Variants in CREBBP observed in about 807,000 individuals in gnomAD.
CREBBP encodes the protein CREB binding lysine acetyltransferase.
In CREBBP, 19 loss-of-function variants were observed where a neutral mutation model predicts 265.0. The observed-to-expected ratio is 0.07, with a 90% CI of 0.05 to 0.11. CREBBP has a LOEUF of 0.11. CREBBP is among the 10% of genes least tolerant of loss of function. CREBBP has a pLI of 1.00. For missense variants in CREBBP, 2,525 were observed against 3,219.0 expected (o/e 0.78, Z 5.22); for synonymous variants, 1,457 against 1,223.7 (o/e 1.19, Z -3.98).
chr16:3,851,050 C>T, intron 1 of CREBBP, 41 bp from the exon 2 acceptor site: 1 of 1,545,566 alleles, frequency 6.5e-7, no homozygotes, highest in South Asian at 1.1e-5. Flanking sequence ...ACTAAGCAAC[C>T]TTTACAGCTC....
intron 1 of CREBBP, among the ~76,000 whole-genome samples, chr16:3,874,368 C>A (rs2055358041): frequency 6.6e-6 from 1 of 152,194 alleles, no homozygotes; most frequent in African/African-American, 2.4e-5. Context: ...GTCTGTGCAG[C>A]CGTGGTAGGC....
Position 3,850,665 on chromosome 16 carries a change from T to A in CREBBP, c.430A>T (p.Thr144Ser), listed in dbSNP as rs1479590501. Residue 144 changes from threonine to serine, a missense_variant, in exon 2 of 31, where the codon ACC (threonine) becomes TCC (serine). Physicochemically the swap from Thr to Ser is moderately conservative, Grantham distance 58. Transcript: ENST00000262367. ...PKQAASTSGP[T>S]PAASQALNPQ... ...TTCAGTGCTTGGGAGGCAGCGGGGGTGGGCCCAGAGGTGCTGGCTGCCTGT... is the reference window on the plus strand; with the variant it reads ...TTCAGTGCTTGGGAGGCAGCGGGGGAGGGCCCAGAGGTGCTGGCTGCCTGT... 1 of 1,614,032 alleles carries A rather than the reference T, an allele frequency of 6.2e-7. No individual in the cohort carries two copies. Among genetic ancestry groups the A allele is most frequent in the East Asian group, 2.2e-5 (1 of 44,864 alleles).
chr16:3,749,856 T>C (rs129981), intron 20 of CREBBP, among the ~76,000 whole-genome samples, 173 bp from the exon 21 acceptor site: 3,024 of 152,322 alleles, frequency 0.02, 161 homozygotes, highest in Admixed American at 0.11. Context: ...TTTAATTTCG[T>C]AGAACACTAC....
In CREBBP at chr16:3,780,830, G is replaced by A. The variant is rs770666980; in HGVS notation, c.1725C>T (p.Ser575=). 1.9e-6 allele frequency: 3 copies of A among 1,613,774 alleles called. No homozygotes were observed. Among genetic ancestry groups the A allele is most frequent in the African/African-American group, 2.7e-5 (2 of 74,916 alleles). Residue 575 remains serine, a synonymous_variant, in exon 8 of 31, where the codon AGC becomes AGT. Transcript: ENST00000262367. The part of the protein sequence containing the change: ...GSNSGNIGTL[S]TIPTAAPPSS... ...AAGGAGGAGCTGCTGTTGGTATAGT[G>A]CTGAGGGTTCCAATGTTACCAGAGT...
intron 3 of CREBBP, among the ~76,000 whole-genome samples, chr16:3,800,097 A>G (rs565061371): frequency 1.2e-4 from 18 of 152,230 alleles, no homozygotes; most frequent in Non-Finnish European, 2.2e-4. Context: ...AACATAAAGC[A>G]GTGTTCCTCA....
intron 19 of CREBBP, among the ~76,000 whole-genome samples, chr16:3,755,022 T>C (rs2052556654): frequency 6.6e-6 from 1 of 152,242 alleles, no homozygotes; most frequent in South Asian, 2.1e-4. Context: ...ATGCCTGTGA[T>C]CGTCTGAGGA....
chr16:3,791,762 C>T (rs2053512970), intron 5 of CREBBP, among the ~76,000 whole-genome samples: 2 of 152,166 alleles, frequency 1.3e-5, no homozygotes, highest in Admixed American at 1.3e-4. Flanking sequence ...GAGGGAGAGG[C>T]AGTGAGTGAG....
At position 3,879,860 on chromosome 16, in the gene CREBBP, C is replaced by G. The variant is rs142859543; in HGVS notation, c.57G>C (p.Ser19=). The G allele has an allele frequency of 1.2e-6, 2 of 1,612,056 alleles. No individual in the cohort carries two copies. ...PPNPKRAKLS[S]PGFSANDSTD... is the part of the protein sequence containing the mutation. ...TGCTGTCATTCGCCGAGAAACCGGGCGAGCTGAGTTTGGCTCTTTTGGGGT... is the reference window on the plus strand; with the variant it reads ...TGCTGTCATTCGCCGAGAAACCGGGGGAGCTGAGTTTGGCTCTTTTGGGGT... The change falls in exon 1 of 31, where the codon TCG becomes TCC. Residue 19 remains serine, a synonymous_variant. Transcript: ENST00000262367.
rs1215262202 is a variant in CREBBP, at chr16:3,731,719, G to A, written c.4890+57C>T. ...ACACGGGCCCACGCCCGCCAGCTGC[G>A]AGTCTTTCCCTCCTCCCGGCCAGAG... On this transcript the variant is annotated intron_variant, in intron 29 of 30. Coordinates refer to ENST00000262367, the MANE Select transcript of CREBBP (RefSeq NM_004380.3). This position sits in a 1 kb window ranked among gnomAD's most constrained non-coding sequence, Gnocchi z 7.7. 12 of 1,609,862 alleles carry A rather than the reference G, an allele frequency of 7.5e-6. No individual in the cohort carries two copies. The highest frequency in any genetic ancestry group is 4.5e-5 in the East Asian group (2 of 44,880).
In CREBBP at chr16:3,880,689, G is replaced by A. The variant is rs898990656; in HGVS notation, c.-773C>T. 13 of 147,926 alleles carry A rather than the reference G, an allele frequency of 8.8e-5. No homozygotes were observed. The highest frequency in any genetic ancestry group is 1.4e-4 in the Non-Finnish European group (9 of 66,618). 9.2% of individuals were successfully genotyped at this position (147,926 alleles called of 1,614,324 possible). A position where few individuals can be genotyped will look rare whatever the true frequency, so the allele number is the denominator to read the frequency against. On this transcript the variant is annotated 5_prime_UTR_variant, in exon 1 of 31. Coordinates refer to ENST00000262367, the MANE Select transcript of CREBBP (RefSeq NM_004380.3). ...GAAGCCCCGGTCGGGTCCGCGACAA[G>A]ATGGCGGCTGTTGATTCCTCAATTA...
At chr16:3,861,681 AGCTG>A (rs2055077600) in intron 1 of CREBBP, among the ~76,000 whole-genome samples, 1 of 151,592 alleles carries the variant, frequency 6.6e-6, no homozygotes. Flanking sequence ...GAAAGAGAAA[AGCTG>A]TTTTATTAAT....
At position 3,782,569 on chromosome 16, in the gene CREBBP, CA is replaced by C. The variant is rs2053296251; in HGVS notation, c.1573+114del. ...CTTTTTCCTGGGAGATTTTTTATTT[CA>C]ACCACCGTAGTAAAAAACACAAAAC... On this transcript the variant is annotated intron_variant, in intron 6 of 30. Coordinates refer to ENST00000262367, the MANE Select transcript of CREBBP (RefSeq NM_004380.3). 2.9e-6 allele frequency: 4 copies of C among 1,366,634 alleles called. No individual in the cohort carries two copies. The East Asian group carries it at 9.3e-5, about 32-fold the overall frequency. The allele number at this position is 1,366,634 out of a possible 1,614,324, so 84.7% of individuals were successfully genotyped here.
intron 1 of CREBBP, among the ~76,000 whole-genome samples, chr16:3,869,295 C>T (rs2055243839): frequency 6.6e-6 from 1 of 152,212 alleles, no homozygotes; most frequent in South Asian, 2.1e-4. Flanking sequence ...GAGATGGGGC[C>T]TGTCACATCC....
Position 3,862,569 on chromosome 16 carries a change from G to C in CREBBP, c.86-11560C>G, listed in dbSNP as rs117279616. Among the ~76,000 whole-genome samples, 342 of 152,312 alleles carry C rather than the reference G, an allele frequency of 2.2e-3. 11 individuals carry two copies. The East Asian group carries it at 0.061, about 27-fold the overall frequency. The stretch of plus-strand genomic sequence containing the variant: ...GTTTTCCTGTCATATGCTGTGTTTT[G>C]TATGATGAACGATATTTAAGTGGAC... On this transcript the variant is annotated intron_variant, in intron 1 of 30. Coordinates refer to ENST00000262367, the MANE Select transcript of CREBBP (RefSeq NM_004380.3).
At chr16:3,819,864 C>G (rs1410603856) in intron 2 of CREBBP, among the ~76,000 whole-genome samples, 5 of 152,034 alleles carry the variant, frequency 3.3e-5, no homozygotes, top group Non-Finnish European at 7.4e-5. Flanking sequence ...AGAACACTCC[C>G]ACGAAAAAAG....
At chr16:3,735,827 C>T (rs1359319401) in intron 28 of CREBBP, among the ~76,000 whole-genome samples, 1 of 152,182 alleles carries the variant, frequency 6.6e-6, no homozygotes, top group Non-Finnish European at 1.5e-5. Context: ...TAAGTGGACC[C>T]CCAGCTCCCC....
At chr16:3,747,189 A>G (rs369302471) in intron 21 of CREBBP, among the ~76,000 whole-genome samples, 1 of 152,078 alleles carries the variant, frequency 6.6e-6, no homozygotes, top group Non-Finnish European at 1.5e-5. Flanking sequence ...CTACAGAACA[A>G]TGTCTTCTCC....
At chr16:3,742,744 A>G (rs2052247425) in intron 23 of CREBBP, 1 of 152,100 alleles carries the variant, frequency 6.6e-6, no homozygotes. Flanking sequence ...ATCAGACACC[A>G]CAACGCCTGT....
rs2141247036 is a variant in CREBBP, at chr16:3,781,199, C to T, written c.1676+5G>A. ...CTGTCACTCAGATCTGAAACAGGGT[C>T]TTACTTTGTGGCCCCCAGGGAAGTC... On this transcript the variant is annotated splice_donor_5th_base_variant and intron_variant, in intron 7 of 30. Transcript: ENST00000262367. 6.2e-7 allele frequency: 1 copy of T among 1,612,756 alleles called. No homozygotes were observed. The highest frequency in any genetic ancestry group is 8.5e-7 in the Non-Finnish European group (1 of 1,178,832).
Sources: allele counts gnomAD v4.1 joint callset (sites outside exome capture counted in the v4.1 genomes callset), GRCh38; gene constraint gnomAD v4.1.1; non-coding constraint Gnocchi (gnomAD v3.1); transcripts MANE v1.5; gene names NCBI Gene and HGNC (gene_info 2026-07-23, HGNC 2026-07-21).